Variants in OR4K17 observed in about 807,000 individuals in gnomAD.
OR4K17 encodes the protein olfactory receptor 4K17.
For missense variants in OR4K17, 480 were observed against 366.3 expected, an observed-to-expected ratio of 1.31 and a Z score of -2.53; for synonymous variants, 157 against 132.8, an observed-to-expected ratio of 1.18 and a Z score of -1.25.
chr14:20,120,929 T>G lies in OR4K17; in HGVS notation c.*2491T>G, dbSNP rs1185873069. On this transcript the variant is annotated 3_prime_UTR_variant, in exon 2 of 2. Coordinates refer to ENST00000641386, the MANE Select transcript of OR4K17 (RefSeq NM_001004715.5). ...CCACCAAAGACCACAACAATTTTTGTCACCACTTCAAACATCTACATCATT... is the reference window on the plus strand; with the variant it reads ...CCACCAAAGACCACAACAATTTTTGGCACCACTTCAAACATCTACATCATT... 6.6e-6 allele frequency: 1 copy of G among 152,260 alleles called. No homozygotes were observed. Among genetic ancestry groups the G allele is most frequent in the Non-Finnish European group, 1.5e-5 (1 of 68,066 alleles). The allele number at this position is 152,260 out of a possible 1,614,324, so 9.4% of individuals were successfully genotyped here. A position where few individuals can be genotyped will look rare whatever the true frequency, so the allele number is the denominator to read the frequency against.
chr14:20,117,864 G>C lies in OR4K17; in HGVS notation c.365G>C (p.Arg122Thr). The change falls in exon 2 of 2, where the codon AGA becomes ACA. Residue 122 changes from arginine (R) to threonine (T), a missense_variant. By Grantham distance (71) the Arg-to-Thr change is moderately conservative. Transcript: ENST00000641386. ...MVLLVSMAFD[R>T]YVAICKPLHY... ...CTGTTGGTCTCCATGGCTTTTGACAGATATGTGGCCATTTGTAAGCCCCTA... is the reference window on the plus strand; with the variant it reads ...CTGTTGGTCTCCATGGCTTTTGACACATATGTGGCCATTTGTAAGCCCCTA... 6.2e-7 allele frequency: 1 copy of C among 1,614,024 alleles called. No homozygotes were observed. Among genetic ancestry groups the C allele is most frequent in the Non-Finnish European group, 8.5e-7 (1 of 1,179,976 alleles).
intron 1 of OR4K17, 29 bp from the exon 2 acceptor site, chr14:20,117,439 T>C (rs752226373): frequency 2.5e-6 from 4 of 1,610,450 alleles, no homozygotes; most frequent in South Asian, 2.2e-5. Flanking sequence ...TACTCCATGG[T>C]ATGAGTGATC....
Position 20,119,739 on chromosome 14 carries a change from G to T in OR4K17, c.*1301G>T, listed in dbSNP as rs1005209452. 2 of 152,326 alleles carry T rather than the reference G, an allele frequency of 1.3e-5. No homozygotes were observed. The highest frequency in any genetic ancestry group is 4.8e-5 in the African/African-American group (2 of 41,540). The allele number at this position is 152,326 out of a possible 1,614,324, so 9.4% of individuals were successfully genotyped here. On this transcript the variant is annotated 3_prime_UTR_variant, in exon 2 of 2. Transcript: ENST00000641386. Reference sequence around the variant, plus strand: ...TGCAATCCCAGCTATTCAGGAGGCTGAGGCAGGAGAATTGCTTGAACCCAG... The same window carrying T: ...TGCAATCCCAGCTATTCAGGAGGCTTAGGCAGGAGAATTGCTTGAACCCAG...
At chr14:20,117,339 TACTG>T in intron 1 of OR4K17, 125 bp from the exon 2 acceptor site, 5 of 1,070,696 alleles carry the variant, frequency 4.7e-6, no homozygotes, top group Non-Finnish European at 6.8e-6. Context: ...ACTTAATAGA[TACTG>T]ACACTAAATT....
In OR4K17 at chr14:20,119,132, TAAG is replaced by T. The variant is rs1178480949; in HGVS notation, c.*699_*701del. ...GCGATATTTCTCCTATTCACTTTTG[TAAG>T]AAGAGAAATATGACTCTGTTCCACC... On this transcript the variant is annotated 3_prime_UTR_variant, in exon 2 of 2. Coordinates refer to ENST00000641386, the MANE Select transcript of OR4K17 (RefSeq NM_001004715.5). The T allele has an allele frequency of 6.6e-6, 1 of 152,256 alleles. No individual in the cohort carries two copies. The highest frequency in any genetic ancestry group is 1.5e-5 in the Non-Finnish European group (1 of 68,070). The allele number at this position is 152,256 out of a possible 1,614,324, so 9.4% of individuals were successfully genotyped here.
intron 1 of OR4K17, among the ~76,000 whole-genome samples, chr14:20,111,608 G>A (rs1440908818): frequency 6.6e-6 from 1 of 151,952 alleles, no homozygotes. Flanking sequence ...GCTCTATTTG[G>A]AGTTTTGCTT....
rs9323534 is a variant in OR4K17, at chr14:20,118,273, C to T, written c.774C>T (p.Tyr258=). The change falls in exon 2 of 2, where the codon TAC becomes TAT. Residue 258 remains tyrosine (Y), a synonymous_variant. Coordinates refer to ENST00000641386, the MANE Select transcript of OR4K17 (RefSeq NM_001004715.5). ...TCTTTGGCCCATGCATCTTTATCTA[C>T]ATTTGGCCCTTCGGCAACCACTCTG... The part of the protein sequence containing the change: ...ILFFGPCIFI[Y]IWPFGNHSVD... 709,940 of 1,612,518 alleles carry T rather than the reference C, an allele frequency of 0.44. 157,632 individuals are homozygous for T. Among genetic ancestry groups the T allele is most frequent in the East Asian group, 0.57 (25,756 of 44,852 alleles).
rs1030519572 is a variant in OR4K17 at position 20,119,008 on chromosome 14, C to T, written c.*570C>T. ...GCTTATTTCATCCCTTATCTACAGC[C>T]GTGTAAGACAGACATTGCCAGAGCG... is the stretch of plus-strand genomic sequence containing the variant. On this transcript the variant is annotated 3_prime_UTR_variant, in exon 2 of 2. Coordinates refer to ENST00000641386, the MANE Select transcript of OR4K17 (RefSeq NM_001004715.5). 6.6e-6 allele frequency: 1 copy of T among 152,268 alleles called. No individual in the cohort carries two copies. Among genetic ancestry groups the T allele is most frequent in the African/African-American group, 2.4e-5 (1 of 41,444 alleles). 9.4% of individuals were successfully genotyped at this position (152,268 alleles called of 1,614,324 possible). A position where few individuals can be genotyped will look rare whatever the true frequency, so the allele number is the denominator to read the frequency against.
rs142385061 is a variant in OR4K17 at position 20,119,464 on chromosome 14, C to T, written c.*1026C>T. 6.6e-6 allele frequency: 1 copy of T among 152,188 alleles called. No homozygotes were observed. Among genetic ancestry groups the T allele is most frequent in the African/African-American group, 2.4e-5 (1 of 41,438 alleles). The allele number at this position is 152,188 out of a possible 1,614,324, so 9.4% of individuals were successfully genotyped here. ...TTATGTTCAGAGATTGTAGTAAAGA[C>T]AGGCATGAGAAATTATACAAATATT... On this transcript the variant is annotated 3_prime_UTR_variant, in exon 2 of 2. Coordinates refer to ENST00000641386, the MANE Select transcript of OR4K17 (RefSeq NM_001004715.5).
At chr14:20,112,594 C>T (rs1002210232) in intron 1 of OR4K17, among the ~76,000 whole-genome samples, 1 of 152,010 alleles carries the variant, frequency 6.6e-6, no homozygotes, top group African/African-American at 2.4e-5. Flanking sequence ...GCCACAGTAC[C>T]CAGACTGGCA....
chr14:20,113,196 T>C (rs1362910718), intron 1 of OR4K17, among the ~76,000 whole-genome samples: 2 of 152,064 alleles, frequency 1.3e-5, no homozygotes, highest in African/African-American at 2.4e-5. Context: ...ACAGTTCTAC[T>C]CAAATAGCAA....
At position 20,118,182 on chromosome 14, in the gene OR4K17, A is replaced by G. The variant is rs1221200129; in HGVS notation, c.683A>G (p.His228Arg). 1.2e-6 allele frequency: 2 copies of G among 1,613,298 alleles called. No individual in the cohort carries two copies. The change falls in exon 2 of 2, where the codon CAC becomes CGC. Residue 228 changes from histidine (H) to arginine (R), a missense_variant. His to Arg is a conservative substitution (Grantham distance 29). Transcript: ENST00000641386. ...YSLILITIKN[H>R]SPTGQSKARS... The stretch of plus-strand genomic sequence containing the variant: ...CTGATCCTCATAACCATTAAGAACC[A>G]CTCTCCTACTGGGCAATCTAAAGCC...
Position 20,118,644 on chromosome 14 carries a change from T to G in OR4K17, c.*206T>G, listed in dbSNP as rs1290946804. ...CTGGGTGTCCAGGGGAGACATCACA[T>G]GTCAGCGGGTTCCGTGATGCCCCCC... On this transcript the variant is annotated 3_prime_UTR_variant, in exon 2 of 2. Coordinates refer to ENST00000641386, the MANE Select transcript of OR4K17 (RefSeq NM_001004715.5). 9.9e-6 allele frequency: 4 copies of G among 405,220 alleles called. No homozygotes were observed. In the South Asian group the frequency reaches 1.1e-4, roughly 11 times the overall value. 25.1% of individuals were successfully genotyped at this position (405,220 alleles called of 1,614,324 possible).
Position 20,118,597 on chromosome 14 carries a change from A to G in OR4K17, c.*159A>G, listed in dbSNP as rs1441797530. 4 of 533,962 alleles carry G rather than the reference A, an allele frequency of 7.5e-6. No individual in the cohort carries two copies. The Admixed American group carries it at 1.1e-4, about 14-fold the overall frequency. The allele number at this position is 533,962 out of a possible 1,614,324, so 33.1% of individuals were successfully genotyped here. On this transcript the variant is annotated 3_prime_UTR_variant, in exon 2 of 2. Transcript: ENST00000641386. ...GGTCTGAGAAATAAAGGGAAAGAAT[A>G]CAAAAGAGAGAAATTTTAAAGCTGG...
chr14:20,117,704 GT>G lies in OR4K17; in HGVS notation c.206del (p.Val69GlufsTer3), dbSNP rs780094626. On this transcript the variant is annotated frameshift_variant, in exon 2 of 2. Transcript: ENST00000641386. LOFTEE classifies it low-confidence loss of function (END_TRUNC). The part of the protein sequence containing the change: ...MYFLLGNLSF[V>X]DMTLASFATP... ...TTTTCTCCTTGGTAATCTCTCTTTTGTAGATATGACCCTTGCTTCTTTTGCC... is the reference window on the plus strand; with the variant it reads ...TTTTCTCCTTGGTAATCTCTCTTTTGAGATATGACCCTTGCTTCTTTTGCC... 1 of 1,613,802 alleles carries G rather than the reference GT, an allele frequency of 6.2e-7. No homozygotes were observed. Among genetic ancestry groups the G allele is most frequent in the Admixed American group, 1.7e-5 (1 of 59,970 alleles).
At position 20,119,760 on chromosome 14, in the gene OR4K17, C is replaced by G. The variant is rs1017008515; in HGVS notation, c.*1322C>G. 1 of 152,192 alleles carries G rather than the reference C, an allele frequency of 6.6e-6. No individual in the cohort carries two copies. The highest frequency in any genetic ancestry group is 2.4e-5 in the African/African-American group (1 of 41,432). The allele number at this position is 152,192 out of a possible 1,614,324, so 9.4% of individuals were successfully genotyped here. ...GGCTGAGGCAGGAGAATTGCTTGAA[C>G]CCAGGAGGCAGAGGCTTCAGTGAGC... is the stretch of plus-strand genomic sequence containing the variant. On this transcript the variant is annotated 3_prime_UTR_variant, in exon 2 of 2. Transcript: ENST00000641386.
At chr14:20,112,807 T>G (rs1012522910) in intron 1 of OR4K17, among the ~76,000 whole-genome samples, 1 of 152,066 alleles carries the variant, frequency 6.6e-6, no homozygotes, top group African/African-American at 2.4e-5. Flanking sequence ...TCATGTTAGA[T>G]TTTTCCCTGA....
chr14:20,117,657 CT>C lies in OR4K17; in HGVS notation c.159del (p.Asn54ThrfsTer2), dbSNP rs759730153. On this transcript the variant is annotated frameshift_variant, in exon 2 of 2. Coordinates refer to ENST00000641386, the MANE Select transcript of OR4K17 (RefSeq NM_001004715.5). LOFTEE classifies it low-confidence loss of function (END_TRUNC). ...ATTATAGTCACAGTGTTTAACACCC[CT>C]AACCTGAATACTCCCATGTATTTTC... Reference protein sequence around the residue: ...LLIIVTVFNTPNLNTPMYFLL... With the variant: ...LLIIVTVFNTXNLNTPMYFLL... 126 of 1,613,870 alleles carry C rather than the reference CT, an allele frequency of 7.8e-5. No homozygotes were observed. Among genetic ancestry groups the C allele is most frequent in the Non-Finnish European group, 9.2e-5 (108 of 1,179,950 alleles).
intron 1 of OR4K17, among the ~76,000 whole-genome samples, chr14:20,116,423 A>G (rs11158828): frequency 0.29 from 43,348 of 151,994 alleles, 6,637 homozygotes; most frequent in African/African-American, 0.37. Flanking sequence ...GCCATATAGT[A>G]GTTACAGTCA....
Sources: gnomAD v4.1 joint callset for allele counts (sites outside exome capture counted in the v4.1 genomes callset) on GRCh38, gnomAD v4.1.1 for gene constraint, MANE v1.5 for transcripts, NCBI Gene and HGNC (gene_info 2026-07-23, HGNC 2026-07-21) for gene names.